ETFBKMT: variants seen among roughly 807,000 people sequenced by gnomAD.
ETFBKMT encodes electron transfer flavoprotein beta subunit lysine methyltransferase.
A neutral mutation model predicts 18.3 loss-of-function variants in ETFBKMT; 13 were observed. The ratio of observed to expected loss-of-function variants is 0.71; its 90% CI spans 0.46 to 1.13. ETFBKMT has a LOEUF of 1.13. ETFBKMT is among the 50% of genes most tolerant of loss of function. The pLI is 0.00. For synonymous variants in ETFBKMT, 84 were observed against 107.9 expected, an observed-to-expected ratio of 0.78 and a Z score of 1.37; for missense variants, 293 against 306.2, an observed-to-expected ratio of 0.96 and a Z score of 0.32.
At chr12:31,653,987 A>G (rs1482448917) in intron 1 of ETFBKMT, among the ~76,000 whole-genome samples, 1 of 152,180 alleles carries the variant, frequency 6.6e-6, no homozygotes, top group East Asian at 1.9e-4. Context: ...AGTGTTGGCT[A>G]GGATGTGGAG....
At position 31,661,827 on chromosome 12, in the gene ETFBKMT, C is replaced by CT. The variant is rs1371532849; in HGVS notation, c.-113-4dup. ...CCTCAGAATTCTCAGTATTACTTTT[C>CT]TTTTTTTTTTCAGAGTCAGAGGTTC... On this transcript the variant is annotated splice_polypyrimidine_tract_variant and intron_variant, in intron 1 of 3. Transcript: ENST00000357721. 7,700 of 621,914 alleles carry CT rather than the reference C, an allele frequency of 0.012. No individual in the cohort carries two copies. Among genetic ancestry groups the CT allele is most frequent in the South Asian group, 0.018 (697 of 39,452 alleles). The allele number at this position is 621,914 out of a possible 1,614,324, so 38.5% of individuals were successfully genotyped here. A position where few individuals can be genotyped will look rare whatever the true frequency, so the allele number is the denominator to read the frequency against.
chr12:31,650,112 G>C (rs1177522019), intron 1 of ETFBKMT, among the ~76,000 whole-genome samples: 1 of 150,124 alleles, frequency 6.7e-6, no homozygotes, highest in South Asian at 2.1e-4. Flanking sequence ...GTTAACCTGA[G>C]GCTGAAACCT....
chr12:31,666,290 C>T, intron 3 of ETFBKMT, 73 bp downstream of exon 3: 1 of 1,452,212 alleles, frequency 6.9e-7, no homozygotes, highest in South Asian at 1.3e-5. Context: ...TACACATGCT[C>T]AGTGTGGTAG....
In ETFBKMT at chr12:31,671,166, T is replaced by A. The variant is rs1476644338; in HGVS notation, c.*3176T>A. Reference sequence around the variant, plus strand: ...CTTGGTTAAATATTCAGTATTAAATTTTATTGAATTTGTCTTTAGAAAAAT... The same window carrying A: ...CTTGGTTAAATATTCAGTATTAAATATTATTGAATTTGTCTTTAGAAAAAT... On this transcript the variant is annotated 3_prime_UTR_variant, in exon 4 of 4. Transcript: ENST00000357721. 1 of 152,216 alleles carries A rather than the reference T, an allele frequency of 6.6e-6. No individual in the cohort carries two copies. The highest frequency in any genetic ancestry group is 2.4e-5 in the African/African-American group (1 of 41,468). The allele number at this position is 152,216 out of a possible 1,614,324, so 9.4% of individuals were successfully genotyped here. A position where few individuals can be genotyped will look rare whatever the true frequency, so the allele number is the denominator to read the frequency against.
chr12:31,660,602 G>A (rs943920118), intron 1 of ETFBKMT, among the ~76,000 whole-genome samples: 1 of 151,988 alleles, frequency 6.6e-6, no homozygotes. Context: ...TTCAGTTTAG[G>A]CTTGGTAAAA....
At position 31,667,733 on chromosome 12, in the gene ETFBKMT, C is replaced by G. The variant is rs1223949583; in HGVS notation, c.532C>G (p.Gln178Glu). ...AATCCAAAACATTTTGAATTTGGAA[C>G]AAGATAAGTGGGACCTTGTTGTTCT... is the stretch of plus-strand genomic sequence containing the variant. ...ILIQNILNLE[Q>E]DKWDLVVLGD... Residue 178 changes from glutamine to glutamate, a missense_variant, in exon 4 of 4, where the codon CAA becomes GAA. Physicochemically the swap from Gln to Glu is conservative, Grantham distance 29 (BLOSUM62 2). Transcript: ENST00000357721. 3 of 1,613,500 alleles carry G rather than the reference C, an allele frequency of 1.9e-6. No homozygotes were observed. Among genetic ancestry groups the G allele is most frequent in the Non-Finnish European group, 1.7e-6 (2 of 1,179,952 alleles).
At position 31,670,636 on chromosome 12, in the gene ETFBKMT, GTTTTT is replaced by G. The variant is rs1951253346; in HGVS notation, c.*2649_*2653del. The G allele has an allele frequency of 1.3e-5, 2 of 152,046 alleles. No homozygotes were observed. Among genetic ancestry groups the G allele is most frequent in the African/African-American group, 4.8e-5 (2 of 41,456 alleles). 9.4% of individuals were successfully genotyped at this position (152,046 alleles called of 1,614,324 possible). On this transcript the variant is annotated 3_prime_UTR_variant, in exon 4 of 4. Transcript: ENST00000357721. ...CATGCACCACCATGATGCCTGGCTA[GTTTTT>G]TTATTTTGTATTTTTTGTAGACATG... is the stretch of plus-strand genomic sequence containing the variant.
upstream of ETFBKMT, among the ~76,000 whole-genome samples, chr12:31,657,340 C>T (rs1467706249): frequency 6.6e-6 from 1 of 152,116 alleles, no homozygotes; most frequent in African/African-American, 2.4e-5. Context: ...TCTAGACGGT[C>T]CTTTCTATTA....
At chr12:31,657,673 T>G (rs1951073571), upstream of ETFBKMT, among the ~76,000 whole-genome samples, 1 of 149,334 alleles carries the variant, frequency 6.7e-6, no homozygotes, top group South Asian at 2.1e-4. Flanking sequence ...GCGCCTATAA[T>G]CCCAGCTACT....
chr12:31,665,935 GGT>G (rs1020548811), intron 2 of ETFBKMT, 150 bp from the exon 3 acceptor site: 13 of 565,134 alleles, frequency 2.3e-5, no homozygotes, highest in African/African-American at 2.3e-4. Context: ...TTCCAGCGTG[GGT>G]GTTATGGCCA....
At chr12:31,657,170 A>G (rs567055414), upstream of ETFBKMT, among the ~76,000 whole-genome samples, 2 of 152,304 alleles carry the variant, frequency 1.3e-5, no homozygotes, top group African/African-American at 4.8e-5. Context: ...AGAATTTTTT[A>G]CTTGCACCTG....
chr12:31,651,371 G>T (rs1260728216), intron 1 of ETFBKMT, among the ~76,000 whole-genome samples: 1 of 150,134 alleles, frequency 6.7e-6, no homozygotes, highest in Non-Finnish European at 1.5e-5. Context: ...GTGCAGTGGC[G>T]CAATCTCGGC....
intron 1 of ETFBKMT, among the ~76,000 whole-genome samples, chr12:31,651,796 G>A (rs1224560144): frequency 6.6e-6 from 1 of 152,208 alleles, no homozygotes; most frequent in Non-Finnish European, 1.5e-5. Flanking sequence ...TAGGCAGATA[G>A]TAGGAGTATG....
chr12:31,648,564 T>C (rs1290667483), intron 1 of ETFBKMT, among the ~76,000 whole-genome samples: 1 of 101,284 alleles, frequency 9.9e-6, no homozygotes, highest in Non-Finnish European at 2.5e-5. Context: ...TTTCTTTTTT[T>C]TTTTTTTTTT....
intron 3 of ETFBKMT, among the ~76,000 whole-genome samples, chr12:31,667,252 C>T (rs986063144): frequency 6.6e-6 from 1 of 152,246 alleles, no homozygotes; most frequent in Non-Finnish European, 1.5e-5. Context: ...GCCTCGGCCT[C>T]CCAAAGTACT....
upstream of ETFBKMT, among the ~76,000 whole-genome samples, chr12:31,655,176 A>G (rs1592132522): frequency 6.6e-6 from 1 of 152,236 alleles, no homozygotes; most frequent in Admixed American, 6.5e-5. Flanking sequence ...GATTTTGGTG[A>G]TGGTTTCATG....
intron 1 of ETFBKMT, among the ~76,000 whole-genome samples, chr12:31,651,181 G>A (rs1951014663): frequency 6.6e-6 from 1 of 152,062 alleles, no homozygotes; most frequent in Admixed American, 6.6e-5. Flanking sequence ...AGACTTCCTG[G>A]AACTGGCGTT....
chr12:31,648,012 C>G (rs911057566), intron 1 of ETFBKMT, among the ~76,000 whole-genome samples: 9 of 152,298 alleles, frequency 5.9e-5, no homozygotes, highest in Admixed American at 3.3e-4. Flanking sequence ...ACTTCCATTC[C>G]TAGGTATATA....
upstream of ETFBKMT, among the ~76,000 whole-genome samples, chr12:31,654,501 G>T (rs1459420665): frequency 6.6e-6 from 1 of 152,154 alleles, no homozygotes; most frequent in Non-Finnish European, 1.5e-5. Flanking sequence ...ATTTGTAATA[G>T]TAAAAGAAAG....
Sources: gnomAD v4.1 joint callset for allele counts (sites outside exome capture counted in the v4.1 genomes callset) on GRCh38, gnomAD v4.1.1 for gene constraint, MANE v1.5 for transcripts, NCBI Gene and HGNC (gene_info 2026-07-23, HGNC 2026-07-21) for gene names.